The following PIGK variants were observed in gnomAD, a reference collection of about 807,000 sequenced individuals.
The protein encoded by PIGK is phosphatidylinositol glycan anchor biosynthesis class K.
In PIGK, 42 loss-of-function variants were observed where a neutral mutation model predicts 50.6. That is an observed-to-expected ratio of 0.83 (90% CI 0.65 to 1.07). The LOEUF (loss-of-function observed/expected upper bound fraction) is 1.07, where lower values mean the gene tolerates loss of function less well. PIGK is among the 50% of genes least tolerant of loss of function. The pLI, the probability that PIGK is intolerant of heterozygous loss-of-function variation, is 0.00. For synonymous variants in PIGK, 151 were observed against 156.0 expected, an observed-to-expected ratio of 0.97 and a Z score of 0.24; for missense variants, 448 against 488.7, an observed-to-expected ratio of 0.92 and a Z score of 0.78.
At chr1:77,125,759 A>G (rs1009875437) in intron 9 of PIGK, among the ~76,000 whole-genome samples, 1 of 152,102 alleles carries the variant, frequency 6.6e-6, no homozygotes, top group African/African-American at 2.4e-5. Context: ...TTCAGATCTC[A>G]TTTTATTTCA....
intron 9 of PIGK, among the ~76,000 whole-genome samples, chr1:77,145,125 A>G (rs986758464): frequency 1.3e-5 from 2 of 152,118 alleles, no homozygotes; most frequent in South Asian, 4.1e-4. Context: ...ATAGTTTCAT[A>G]TTCTTCACAA....
At chr1:77,150,497 A>C (rs896565748) in intron 9 of PIGK, among the ~76,000 whole-genome samples, 3 of 151,676 alleles carry the variant, frequency 2.0e-5, no homozygotes, top group Admixed American at 2.0e-4. Context: ...CTCAAAAAAA[A>C]AAAAAAGAAA....
At chr1:77,150,489 C>CAAAAAAAAAAAAAAAAAA (rs541372066) in intron 9 of PIGK, among the ~76,000 whole-genome samples, 2 of 86,080 alleles carry the variant, frequency 2.3e-5, no homozygotes, top group Non-Finnish European at 2.6e-5. Flanking sequence ...GACTCAATCT[C>CAAAAAAAAAAAAAAAAAA]AAAAAAAAAA....
At chr1:77,203,349 T>C (rs144608862) in intron 3 of PIGK, among the ~76,000 whole-genome samples, 2,054 of 152,216 alleles carry the variant, frequency 0.013, 13 homozygotes, top group Middle Eastern at 0.041. Flanking sequence ...GGGCAGAAAA[T>C]TCCCTAAAAA....
chr1:77,176,253 C>A (rs912893591), intron 3 of PIGK, among the ~76,000 whole-genome samples: 5 of 152,106 alleles, frequency 3.3e-5, no homozygotes, highest in Non-Finnish European at 5.9e-5. Flanking sequence ...TCAAAATTAT[C>A]TTTTCTGACC....
intron 8 of PIGK, among the ~76,000 whole-genome samples, chr1:77,157,691 T>C (rs1024119572): frequency 6.6e-6 from 1 of 152,164 alleles, no homozygotes; most frequent in East Asian, 1.9e-4. Context: ...AAAACGAAGT[T>C]AGAAAGTAGT....
intron 4 of PIGK, 44 bp from the exon 5 acceptor site, chr1:77,166,874 G>C: frequency 1.1e-6 from 1 of 903,314 alleles, no homozygotes; most frequent in Non-Finnish European, 1.8e-6. Flanking sequence ...ATAAAACCTG[G>C]GAAATCTTGA....
intron 9 of PIGK, among the ~76,000 whole-genome samples, chr1:77,147,288 A>G (rs1654792801): frequency 6.6e-6 from 1 of 151,836 alleles, no homozygotes; most frequent in Non-Finnish European, 1.5e-5. Flanking sequence ...CTCCCACAAC[A>G]CATGGGAATT....
chr1:77,206,492 T>C, intron 3 of PIGK, 148 bp downstream of exon 3: 1 of 507,274 alleles, frequency 2.0e-6, no homozygotes. Context: ...TTATACATGG[T>C]AGTATGCTCT....
Position 77,171,715 on chromosome 1 carries a change from A to C in PIGK, c.240-2320T>G, listed in dbSNP as rs115585728. On this transcript the variant is annotated intron_variant, in intron 3 of 10. Coordinates refer to ENST00000370812, the MANE Select transcript of PIGK (RefSeq NM_005482.3). Reference sequence around the variant, plus strand: ...TAATACGGAAAAAGAGAAGTTGGGAAACAGAATGGATTTCAAACGTTTTGA... The same window carrying C: ...TAATACGGAAAAAGAGAAGTTGGGACACAGAATGGATTTCAAACGTTTTGA... Among the ~76,000 whole-genome samples, 1,258 of 152,214 alleles carry C rather than the reference A, an allele frequency of 8.3e-3. 8 individuals carry two copies. Among genetic ancestry groups the C allele is most frequent in the Non-Finnish European group, 0.012 (840 of 68,002 alleles).
chr1:77,179,745 T>C (rs1007548001), intron 3 of PIGK, among the ~76,000 whole-genome samples: 7 of 152,080 alleles, frequency 4.6e-5, no homozygotes, highest in Admixed American at 4.6e-4. Context: ...TTTCTTTTAA[T>C]ACACTATAAA....
At chr1:77,154,661 C>T in intron 8 of PIGK, 40 bp from the exon 9 acceptor site, 6 of 1,225,288 alleles carry the variant, frequency 4.9e-6, no homozygotes, top group South Asian at 1.3e-5. Context: ...CATCCACACA[C>T]ATACCACATT....
Position 77,219,353 on chromosome 1 carries a change from AC to A in PIGK, c.49del (p.Val17CysfsTer59). The stretch of plus-strand genomic sequence containing the variant: ...CACGCTGCCGAAGGACAAGAGCAAC[AC>A]AGTTGCCAAGACAGTCGCAGCCCGG... ...LSRAATVLAT[V>X]LLLSFGSVAA... On this transcript the variant is annotated frameshift_variant, in exon 1 of 11. Coordinates refer to ENST00000370812, the MANE Select transcript of PIGK (RefSeq NM_005482.3). LOFTEE classifies it high-confidence loss of function. 1 of 1,613,848 alleles carries A rather than the reference AC, an allele frequency of 6.2e-7. No homozygotes were observed. The highest frequency in any genetic ancestry group is 8.5e-7 in the Non-Finnish European group (1 of 1,179,822).
At chr1:77,154,739 CTA>C in intron 8 of PIGK, 118 bp from the exon 9 acceptor site, 1 of 685,462 alleles carries the variant, frequency 1.5e-6, no homozygotes, top group Non-Finnish European at 2.5e-6. Context: ...CCTAAAGAAG[CTA>C]TGTGTTCTAA....
chr1:77,109,182 A>G (rs1023074651), intron 10 of PIGK, among the ~76,000 whole-genome samples: 49 of 152,228 alleles, frequency 3.2e-4, no homozygotes, highest in African/African-American at 1.2e-3. Context: ...CCAGAGGTAC[A>G]AGGAGGAGCT....
intron 9 of PIGK, among the ~76,000 whole-genome samples, chr1:77,123,495 C>A (rs1339806471): frequency 6.6e-6 from 1 of 151,910 alleles, no homozygotes; most frequent in African/African-American, 2.4e-5. Flanking sequence ...TTGTGGATAT[C>A]TTGCAGAATT....
intron 10 of PIGK, among the ~76,000 whole-genome samples, chr1:77,111,976 A>T (rs535555143): frequency 6.6e-6 from 1 of 152,180 alleles, no homozygotes; most frequent in South Asian, 2.1e-4. Context: ...TACACTGATT[A>T]GGCACTGCTA....
intron 9 of PIGK, among the ~76,000 whole-genome samples, chr1:77,123,035 TTC>T (rs1439357450): frequency 2.6e-5 from 4 of 152,252 alleles, no homozygotes; most frequent in Admixed American, 6.5e-5. Flanking sequence ...ATAAAAATAA[TTC>T]TGAGAGGTTA....
At chr1:77,155,551 T>G (rs1570228375) in intron 8 of PIGK, among the ~76,000 whole-genome samples, 1 of 151,924 alleles carries the variant, frequency 6.6e-6, no homozygotes, top group Admixed American at 6.6e-5. Context: ...AAGGATAAAC[T>G]TCTTATAGTT....
Sources: gnomAD v4.1 joint callset for allele counts (sites outside exome capture counted in the v4.1 genomes callset) on GRCh38, gnomAD v4.1.1 for gene constraint, MANE v1.5 for transcripts, NCBI Gene and HGNC (gene_info 2026-07-23, HGNC 2026-07-21) for gene names.